Variants in AK8 observed in about 807,000 individuals in gnomAD.
AK8 encodes adenylate kinase 8.
Under a neutral mutation model 54.6 loss-of-function variants are expected in AK8, and 44 were observed. That is an observed-to-expected ratio of 0.81 (90% CI 0.63 to 1.04). AK8 has a LOEUF of 1.04. AK8 is among the 50% of genes least tolerant of loss of function. The pLI, the probability that AK8 is intolerant of heterozygous loss-of-function variation, is 0.00. For missense variants in AK8, 555 were observed against 613.6 expected, an observed-to-expected ratio of 0.90 and a Z score of 1.01; for synonymous variants, 239 against 245.6, an observed-to-expected ratio of 0.97 and a Z score of 0.25.
At chr9:132,733,654 C>G (rs1178030903) in intron 11 of AK8, among the ~76,000 whole-genome samples, 1 of 152,204 alleles carries the variant, frequency 6.6e-6, no homozygotes, top group Non-Finnish European at 1.5e-5. Context: ...TCATTGCGCC[C>G]AATGTGAGGG....
chr9:132,849,445 A>G (rs553257587), intron 5 of AK8, among the ~76,000 whole-genome samples: 2 of 152,276 alleles, frequency 1.3e-5, no homozygotes. Flanking sequence ...GAAGCCATAT[A>G]GCCTGCAAAG....
At chr9:132,862,159 G>A (rs142493365) in intron 4 of AK8, among the ~76,000 whole-genome samples, 5 of 152,226 alleles carry the variant, frequency 3.3e-5, no homozygotes, top group African/African-American at 1.2e-4. Context: ...TGGTGTCCCC[G>A]CAAGCTGAAG....
At chr9:132,763,117 G>A (rs1838562215) in intron 11 of AK8, among the ~76,000 whole-genome samples, 1 of 152,212 alleles carries the variant, frequency 6.6e-6, no homozygotes. Context: ...TAGAGAAGGA[G>A]GTGACACAGT....
chr9:132,727,607 C>T, intron 11 of AK8, 73 bp from the exon 12 acceptor site: 1 of 1,418,074 alleles, frequency 7.1e-7, no homozygotes, highest in East Asian at 2.4e-5. Flanking sequence ...ATCCTGGGGT[C>T]TTGAGAATCC....
intron 2 of AK8, 92 bp from the exon 3 acceptor site, chr9:132,867,045 C>T: frequency 7.9e-7 from 1 of 1,271,952 alleles, no homozygotes; most frequent in Non-Finnish European, 1.1e-6. Context: ...TTCTCCCTCC[C>T]TAGATTTCAT....
At chr9:132,751,340 T>A (rs1837911950) in intron 11 of AK8, among the ~76,000 whole-genome samples, 1 of 145,244 alleles carries the variant, frequency 6.9e-6, no homozygotes, top group Non-Finnish European at 1.5e-5. Context: ...GCCGAGATCA[T>A]GTCACTGCCC....
intron 9 of AK8, among the ~76,000 whole-genome samples, chr9:132,821,127 T>TA (rs774596259): frequency 0.028 from 4,061 of 143,674 alleles, 143 homozygotes; most frequent in African/African-American, 0.085. Context: ...CAATTTGAAT[T>TA]AAAAAAAAAA....
chr9:132,726,857 T>G (rs1836598057), intron 12 of AK8, among the ~76,000 whole-genome samples: 1 of 150,746 alleles, frequency 6.6e-6, no homozygotes, highest in Admixed American at 6.6e-5. Context: ...TTTAGAAAAA[T>G]CCCTGCACTT....
At chr9:132,865,321 GA>G (rs1358263792) in intron 3 of AK8, among the ~76,000 whole-genome samples, 1 of 152,166 alleles carries the variant, frequency 6.6e-6, no homozygotes, top group Non-Finnish European at 1.5e-5. Context: ...TTTGTGCAAG[GA>G]TCAGTCATTT....
chr9:132,810,462 G>A lies in AK8; in HGVS notation c.979+4176C>T, dbSNP rs575325590. ...CTTTTAGTGGTGGATGAATTAAGCC[G>A]GCTCTGTACAAAGTTGACGTGCTTT... On this transcript the variant is annotated intron_variant, in intron 10 of 12. Coordinates refer to ENST00000298545, the MANE Select transcript of AK8 (RefSeq NM_152572.3). Among the ~76,000 whole-genome samples, 15 of 152,092 alleles carry A rather than the reference G, an allele frequency of 9.9e-5. 1 individual carries two copies. Among genetic ancestry groups the A allele is most frequent in the Non-Finnish European group, 1.9e-4 (13 of 68,022 alleles).
Position 132,878,225 on chromosome 9 carries a change from G to A in AK8, c.31C>T (p.Pro11Ser). The change falls in exon 1 of 13, where the codon CCC becomes TCC. Residue 11 changes from proline to serine, a missense_variant. Pro to Ser is a moderately conservative substitution (Grantham distance 74, BLOSUM62 -1). Coordinates refer to ENST00000298545, the MANE Select transcript of AK8 (RefSeq NM_152572.3). The surrounding 1 kb of genome is among the most constrained non-coding windows in gnomAD (Gnocchi z 4.7). The part of the protein sequence containing the change: MDATIAPHRI[P>S]PEMPQYGEEN... Reference sequence around the variant, plus strand: ...TCCCCGTACTGGGGCATCTCGGGGGGGATACGGTGCGGGGCGATAGTGGCG... The same window carrying A: ...TCCCCGTACTGGGGCATCTCGGGGGAGATACGGTGCGGGGCGATAGTGGCG... 6.9e-7 allele frequency: 1 copy of A among 1,457,414 alleles called. No homozygotes were observed. Among genetic ancestry groups the A allele is most frequent in the Non-Finnish European group, 9.1e-7 (1 of 1,101,516 alleles). The allele number at this position is 1,457,414 out of a possible 1,614,324, so 90.3% of individuals were successfully genotyped here. A position where few individuals can be genotyped will look rare whatever the true frequency, so the allele number is the denominator to read the frequency against.
Position 132,776,669 on chromosome 9 carries a change from CTCT to C in AK8, c.1121+15962_1121+15964del, listed in dbSNP as rs562335754. ...GGAGGACCTTTGCTTGAGCTTTAATCTCTTCAAGGCCACCTCCATGAGTGTGCC... is the reference window on the plus strand; with the variant it reads ...GGAGGACCTTTGCTTGAGCTTTAATCTCAAGGCCACCTCCATGAGTGTGCC... On this transcript the variant is annotated intron_variant, in intron 11 of 12. Coordinates refer to ENST00000298545, the MANE Select transcript of AK8 (RefSeq NM_152572.3). Among the ~76,000 whole-genome samples the C allele has an allele frequency of 3.5e-3, 536 of 152,348 alleles. 2 individuals carry two copies. Among genetic ancestry groups the C allele is most frequent in the African/African-American group, 0.012 (509 of 41,578 alleles).
Position 132,823,189 on chromosome 9 carries a change from C to T in AK8, c.889+16G>A. ...AGGCTCTCGAAGCTGGGCAGCCCAG[C>T]ACCTGGGGCACTCACCATTGACAAG... On this transcript the variant is annotated intron_variant, in intron 9 of 12. Transcript: ENST00000298545. 1 of 1,545,766 alleles carries T rather than the reference C, an allele frequency of 6.5e-7. No homozygotes were observed. Among genetic ancestry groups the T allele is most frequent in the East Asian group, 2.4e-5 (1 of 42,434 alleles).
chr9:132,831,861 C>T (rs1465375734), intron 5 of AK8, among the ~76,000 whole-genome samples: 2 of 151,796 alleles, frequency 1.3e-5, no homozygotes, highest in African/African-American at 4.8e-5. Context: ...TTCAAACCAG[C>T]CTGGGCAACA....
chr9:132,744,174 C>T (rs1451978153), intron 11 of AK8, among the ~76,000 whole-genome samples: 1 of 152,200 alleles, frequency 6.6e-6, no homozygotes, highest in Non-Finnish European at 1.5e-5. Flanking sequence ...ACACAGGGCA[C>T]AGCTGCCTCT....
chr9:132,736,284 T>G (rs1215758238), intron 11 of AK8, among the ~76,000 whole-genome samples: 1 of 151,708 alleles, frequency 6.6e-6, no homozygotes, highest in Non-Finnish European at 1.5e-5. Context: ...CCTCCCGGAT[T>G]CAAGCAATTC....
intron 11 of AK8, among the ~76,000 whole-genome samples, chr9:132,751,253 G>A (rs1165773782): frequency 1.3e-5 from 2 of 151,120 alleles, no homozygotes; most frequent in Admixed American, 1.3e-4. Context: ...GCGTGGTGGT[G>A]CACGCCTGTA....
At chr9:132,746,762 C>T (rs1837672690) in intron 11 of AK8, among the ~76,000 whole-genome samples, 1 of 152,158 alleles carries the variant, frequency 6.6e-6, no homozygotes, top group Admixed American at 6.6e-5. Context: ...GGAAAAGTTG[C>T]AGGAACCCCC....
At chr9:132,784,939 T>C (rs1173796875) in intron 11 of AK8, among the ~76,000 whole-genome samples, 3 of 152,112 alleles carry the variant, frequency 2.0e-5, no homozygotes, top group South Asian at 4.1e-4. Flanking sequence ...CAGAATATAA[T>C]TGTTATATTT....
Sources: gnomAD v4.1 joint callset for allele counts (sites outside exome capture counted in the v4.1 genomes callset) on GRCh38, gnomAD v4.1.1 for gene constraint, Gnocchi (gnomAD v3.1) non-coding constraint, MANE v1.5 for transcripts, NCBI Gene and HGNC (gene_info 2026-07-23, HGNC 2026-07-21) for gene names.